Variants in GEMIN4 observed in about 807,000 individuals in gnomAD.
GEMIN4 encodes the protein gem-associated protein 4.
A neutral mutation model predicts 76.8 loss-of-function variants in GEMIN4; 59 were observed. The ratio of observed to expected loss-of-function variants is 0.77; its 90% CI spans 0.62 to 0.95. GEMIN4 has a LOEUF of 0.95. Ranked by LOEUF, GEMIN4 falls within the 40% of genes least tolerant of loss-of-function variation. The pLI, the probability that GEMIN4 is intolerant of heterozygous loss-of-function variation, is 0.00. For synonymous variants in GEMIN4, 562 were observed against 559.7 expected (o/e 1.00, Z -0.06); for missense variants, 1,311 against 1,318.9 (o/e 0.99, Z 0.09).
At position 745,310 on chromosome 17, in the gene GEMIN4, G is replaced by C. The variant is rs1359508313; in HGVS notation, c.2733C>G (p.Leu911=). Residue 911 remains leucine (L), a synonymous_variant, in exon 2 of 2, where the codon CTC becomes CTG. Coordinates refer to ENST00000319004, the MANE Select transcript of GEMIN4 (RefSeq NM_015721.3). This position sits in a 1 kb window ranked among gnomAD's most constrained non-coding sequence, Gnocchi z 4.6. ...GGAAAGTCCTCAGGAAGAGGACGGA[G>C]AGTTGCAACTCCTGGGCAAAGGGCT... ...NLKPFAQELQ[L]SVLFLRTFQF... is the part of the protein sequence containing the mutation. The C allele has an allele frequency of 6.2e-7, 1 of 1,612,630 alleles. No individual in the cohort carries two copies. Among genetic ancestry groups the C allele is most frequent in the East Asian group, 2.2e-5 (1 of 44,870 alleles).
At chr17:752,504 C>T (rs1904798427), upstream of GEMIN4, 2 of 434,094 alleles carry the variant, frequency 4.6e-6, no homozygotes, top group Non-Finnish European at 3.5e-6. Context: ...TAACCCCGGG[C>T]GTGCCCCGCA....
In GEMIN4 at chr17:747,063, C is replaced by G. The variant is rs200678582; in HGVS notation, c.980G>C (p.Trp327Ser). 1.4e-4 allele frequency: 232 copies of G among 1,613,622 alleles called. No individual in the cohort carries two copies. The highest frequency in any genetic ancestry group is 2.0e-4 in the African/African-American group (15 of 75,038). ...GAGCACGGCCTGCAACTCCTCCCCC[C>G]ACTCCCGCAGCAGGTGGTGCAGGAA... ...CEFLHHLLREWGEELQAVLRS... is the reference protein window; with the variant it reads ...CEFLHHLLRESGEELQAVLRS... The change falls in exon 2 of 2, where the codon TGG becomes TCG. Residue 327 changes from tryptophan to serine, a missense_variant. Trp to Ser is a radical substitution (Grantham distance 177, BLOSUM62 -3). Around this residue, in one of 2 missense-constraint regions of GEMIN4, gnomAD observed 1,208 missense variants for 1,166.9 expected, o/e 1.04. Coordinates refer to ENST00000319004, the MANE Select transcript of GEMIN4 (RefSeq NM_015721.3).
chr17:748,929 G>A, intron 1 of GEMIN4: 1 of 183,320 alleles, frequency 5.5e-6, no homozygotes, highest in Non-Finnish European at 1.1e-5. Flanking sequence ...ACAGGATAAT[G>A]GGCACAGAGC....
At chr17:752,037 G>T in intron 1 of GEMIN4, 96 bp downstream of exon 1, 1 of 877,206 alleles carries the variant, frequency 1.1e-6, no homozygotes, top group Non-Finnish European at 1.5e-6. Context: ...CCGGGCCCGC[G>T]CGAGCGTGCG....
rs2144211993 is a variant in GEMIN4, at chr17:752,219, C to T, written c.-77G>A. On this transcript the variant is annotated 5_prime_UTR_variant, in exon 1 of 2. Coordinates refer to ENST00000319004, the MANE Select transcript of GEMIN4 (RefSeq NM_015721.3). ...CTCGAACGCGGCGCGGGACGCACGG[C>T]ACGATGGGAGACGCAGGAGCCACGG... 8.1e-7 allele frequency: 1 copy of T among 1,230,036 alleles called. No individual in the cohort carries two copies. The highest frequency in any genetic ancestry group is 4.1e-5 in the South Asian group (1 of 24,348). The allele number at this position is 1,230,036 out of a possible 1,614,324, so 76.2% of individuals were successfully genotyped here. A position where few individuals can be genotyped will look rare whatever the true frequency, so the allele number is the denominator to read the frequency against.
rs1363002781 is a variant in GEMIN4 at position 747,631 on chromosome 17, G to A, written c.412C>T (p.His138Tyr). ...LLMALPTTICHAELERFLEHV... is the reference protein window; with the variant it reads ...LLMALPTTICYAELERFLEHV... ...TCCAGAAAGCGCTCTAGTTCTGCATGGCAGATGGTGGTGGGCAGGGCCATC... is the reference window on the plus strand; with the variant it reads ...TCCAGAAAGCGCTCTAGTTCTGCATAGCAGATGGTGGTGGGCAGGGCCATC... The change falls in exon 2 of 2, where the codon CAT (histidine) becomes TAT (tyrosine). Residue 138 changes from histidine to tyrosine, a missense_variant. This residue lies in a region of GEMIN4 where 1,208 missense variants were observed against 1,166.9 expected (regional missense o/e 1.04). Coordinates refer to ENST00000319004, the MANE Select transcript of GEMIN4 (RefSeq NM_015721.3). 6.2e-7 allele frequency: 1 copy of A among 1,614,006 alleles called. No individual in the cohort carries two copies. The highest frequency in any genetic ancestry group is 8.5e-7 in the Non-Finnish European group (1 of 1,179,892).
chr17:744,748 C>G lies in GEMIN4; in HGVS notation c.*118G>C. On this transcript the variant is annotated 3_prime_UTR_variant, in exon 2 of 2. Coordinates refer to ENST00000319004, the MANE Select transcript of GEMIN4 (RefSeq NM_015721.3). ...ACATAACTGTAAAGTCCAGGCTGCT[C>G]GGGTCTGACCCCTACAGACCTGCCA... is the stretch of plus-strand genomic sequence containing the variant. The G allele has an allele frequency of 2.8e-6, 3 of 1,065,132 alleles. No homozygotes were observed. Among genetic ancestry groups the G allele is most frequent in the Non-Finnish European group, 3.9e-6 (3 of 761,526 alleles). The allele number at this position is 1,065,132 out of a possible 1,614,324, so 66.0% of individuals were successfully genotyped here.
chr17:746,870 G>C lies in GEMIN4; in HGVS notation c.1173C>G (p.Ser391Arg). 2 of 1,613,432 alleles carry C rather than the reference G, an allele frequency of 1.2e-6. No individual in the cohort carries two copies. Among genetic ancestry groups the C allele is most frequent in the African/African-American group, 1.3e-5 (1 of 75,030 alleles). Residue 391 changes from serine (S) to arginine (R), a missense_variant, in exon 2 of 2, where the codon AGC becomes AGG. Around this residue, in one of 2 missense-constraint regions of GEMIN4, gnomAD observed 1,208 missense variants for 1,166.9 expected, o/e 1.04. Coordinates refer to ENST00000319004, the MANE Select transcript of GEMIN4 (RefSeq NM_015721.3). This position sits in a 1 kb window ranked among gnomAD's most constrained non-coding sequence, Gnocchi z 4.3. ...CCAAGGCCCTGTTCTTCAGCACCGT[G>C]CTCGTTTTCCTCAGGAAGTCCCTGA... is the stretch of plus-strand genomic sequence containing the variant. ...ECVRDFLRKT[S>R]TVLKNRALED...
chr17:745,196 G>A lies in GEMIN4; in HGVS notation c.2847C>T (p.Arg949=). ...VVKLLCGSLT[R]LLDSVRAIQA... Reference sequence around the variant, plus strand: ...GTATCGCCCTGACTGAGTCCAGGAGGCGGGTCAGACTGCCACAGAGGAGTT... The same window carrying A: ...GTATCGCCCTGACTGAGTCCAGGAGACGGGTCAGACTGCCACAGAGGAGTT... Residue 949 remains arginine, a synonymous_variant, in exon 2 of 2, where the codon CGC becomes CGT. Coordinates refer to ENST00000319004, the MANE Select transcript of GEMIN4 (RefSeq NM_015721.3). This position sits in a 1 kb window ranked among gnomAD's most constrained non-coding sequence, Gnocchi z 4.6. 3 of 1,607,584 alleles carry A rather than the reference G, an allele frequency of 1.9e-6. No individual in the cohort carries two copies. The highest frequency in any genetic ancestry group is 2.5e-6 in the Non-Finnish European group (3 of 1,177,446).
rs1904343826 is a variant in GEMIN4 at position 747,799 on chromosome 17, G to A, written c.244C>T (p.Pro82Ser). The change falls in exon 2 of 2, where the codon CCC (proline) becomes TCC (serine). Residue 82 changes from proline (P) to serine (S), a missense_variant. This residue lies in a region of GEMIN4 where 103 missense variants were observed against 152.0 expected (regional missense o/e 0.68). Coordinates refer to ENST00000319004, the MANE Select transcript of GEMIN4 (RefSeq NM_015721.3). Reference protein sequence around the residue: ...IIWAKVLQPHPVTPSDTETRW... With the variant: ...IIWAKVLQPHSVTPSDTETRW... ...GTCTCTGTGTCGGACGGGGTCACGG[G>A]GTGCGGCTGCAGAACCTTGGCCCAG... The A allele has an allele frequency of 8.1e-6, 13 of 1,613,518 alleles. No individual in the cohort carries two copies. The highest frequency in any genetic ancestry group is 1.1e-5 in the Non-Finnish European group (13 of 1,179,756).
In GEMIN4 at chr17:745,028, G is replaced by A. The variant is rs765046840; in HGVS notation, c.3015C>T (p.Ala1005=). ...PEVCEPLYVL[A]LETLTCYETL... is the part of the protein sequence containing the mutation. ...TCTCATAGCAGGTGAGGGTTTCCAAGGCTAAAACGTAGAGTGGCTCACAGA... is the reference window on the plus strand; with the variant it reads ...TCTCATAGCAGGTGAGGGTTTCCAAAGCTAAAACGTAGAGTGGCTCACAGA... The change falls in exon 2 of 2, where the codon GCC becomes GCT. Residue 1005 remains alanine, a synonymous_variant. Coordinates refer to ENST00000319004, the MANE Select transcript of GEMIN4 (RefSeq NM_015721.3). The surrounding 1 kb of genome is among the most constrained non-coding windows in gnomAD (Gnocchi z 4.6). 6.2e-6 allele frequency: 10 copies of A among 1,613,908 alleles called. No homozygotes were observed. The highest frequency in any genetic ancestry group is 3.3e-5 in the Admixed American group (2 of 60,018).
At position 746,521 on chromosome 17, in the gene GEMIN4, G is replaced by A. The variant is rs201980041; in HGVS notation, c.1522C>T (p.Arg508Ter). The A allele has an allele frequency of 1.7e-5, 28 of 1,613,874 alleles. No individual in the cohort carries two copies. Among genetic ancestry groups the A allele is most frequent in the East Asian group, 2.2e-5 (1 of 44,880 alleles). ...AGCAACTTTTCAGAGAGGCCCTTTC[G>A]CCCCCAGGAACGCAGGATACCTGCA... ...VLAGILRSWG[R>*]KGLSEKLLAY... is the part of the protein sequence containing the mutation. The change falls in exon 2 of 2, where the codon CGA becomes TGA. Residue 508 changes from arginine (R) to a stop codon, truncating the protein, a stop_gained. Coordinates refer to ENST00000319004, the MANE Select transcript of GEMIN4 (RefSeq NM_015721.3). LOFTEE classifies it high-confidence loss of function. The surrounding 1 kb of genome is among the most constrained non-coding windows in gnomAD (Gnocchi z 4.3).
In GEMIN4 at chr17:747,466, A is replaced by T; in HGVS notation, c.577T>A (p.Leu193Ile). 1 of 1,613,848 alleles carries T rather than the reference A, an allele frequency of 6.2e-7. No homozygotes were observed. The highest frequency in any genetic ancestry group is 8.5e-7 in the Non-Finnish European group (1 of 1,179,834). Residue 193 changes from leucine to isoleucine, a missense_variant, in exon 2 of 2, where the codon TTA becomes ATA. Leu to Ile is a conservative substitution (Grantham distance 5, BLOSUM62 2). Coordinates refer to ENST00000319004, the MANE Select transcript of GEMIN4 (RefSeq NM_015721.3). ...TTTGGAGGATGGGGGAACTCATCTA[A>T]GGCAGGCAGGTACTTATGGGCCATT... is the stretch of plus-strand genomic sequence containing the variant. ...SAMAHKYLPALDEFPHPPKRL... is the reference protein window; with the variant it reads ...SAMAHKYLPAIDEFPHPPKRL...
At chr17:753,841 C>T (rs1287239209), upstream of GEMIN4, 1 of 152,344 alleles carries the variant, frequency 6.6e-6, no homozygotes, top group African/African-American at 2.4e-5. Flanking sequence ...GAGGCCCCAG[C>T]CCCTTATCTC....
chr17:753,612 A>T (rs1904866982), upstream of GEMIN4: 1 of 153,124 alleles, frequency 6.5e-6, no homozygotes, highest in Non-Finnish European at 1.5e-5. Context: ...ACTGCATGAG[A>T]GTGACTGCTG....
rs1390530203 is a variant in GEMIN4, at chr17:748,145, G to C, written c.11-113C>G. 5 of 806,482 alleles carry C rather than the reference G, an allele frequency of 6.2e-6. No individual in the cohort carries two copies. The Admixed American group carries it at 1.4e-4, about 23-fold the overall frequency. The allele number at this position is 806,482 out of a possible 1,614,324, so 50.0% of individuals were successfully genotyped here. A position where few individuals can be genotyped will look rare whatever the true frequency, so the allele number is the denominator to read the frequency against. ...ACAAGGGTTTTAAAGGACATCAGCG[G>C]ACGGGGAGAAGGGATGACTACAAGA... On this transcript the variant is annotated intron_variant, in intron 1 of 1. Transcript: ENST00000319004.
chr17:754,007 T>C (rs1406770516), upstream of GEMIN4: 1 of 152,222 alleles, frequency 6.6e-6, no homozygotes, highest in African/African-American at 2.4e-5. Context: ...GATAATGTGA[T>C]GAAACAATTG....
In GEMIN4 at chr17:745,544, C is replaced by A. The variant is rs1225261146; in HGVS notation, c.2499G>T (p.Leu833=). The A allele has an allele frequency of 2.5e-6, 4 of 1,612,772 alleles. No individual in the cohort carries two copies. The South Asian group carries it at 3.3e-5, about 13-fold the overall frequency. ...CVSSGISERM[L]SLLVVDVGNP... ...TGCCCACGTCCACCACCAAGAGAGA[C>A]AGCATCCTCTCCGAGATGCCGCTGG... Residue 833 remains leucine, a synonymous_variant, in exon 2 of 2, where the codon CTG becomes CTT. Coordinates refer to ENST00000319004, the MANE Select transcript of GEMIN4 (RefSeq NM_015721.3). This position sits in a 1 kb window ranked among gnomAD's most constrained non-coding sequence, Gnocchi z 4.6.
At position 747,256 on chromosome 17, in the gene GEMIN4, T is replaced by C. The variant is rs748632104; in HGVS notation, c.787A>G (p.Thr263Ala). 1 of 1,613,774 alleles carries C rather than the reference T, an allele frequency of 6.2e-7. No individual in the cohort carries two copies. The highest frequency in any genetic ancestry group is 8.5e-7 in the Non-Finnish European group (1 of 1,179,870). ...TEDDPQEVSA[T>A]VYLDKLATVI... Reference sequence around the variant, plus strand: ...GTGGCCAGTTTGTCCAGATACACGGTTGCAGACACCTCCTGGGGGTCGTCC... The same window carrying C: ...GTGGCCAGTTTGTCCAGATACACGGCTGCAGACACCTCCTGGGGGTCGTCC... The change falls in exon 2 of 2, where the codon ACC (threonine) becomes GCC (alanine). Residue 263 changes from threonine to alanine, a missense_variant. By Grantham distance (58) the Thr-to-Ala change is moderately conservative. This residue lies in a region of GEMIN4 where 1,208 missense variants were observed against 1,166.9 expected (regional missense o/e 1.04). Coordinates refer to ENST00000319004, the MANE Select transcript of GEMIN4 (RefSeq NM_015721.3).
Sources: gnomAD v4.1 joint callset for allele counts on GRCh38, gnomAD v4.1.1 for gene constraint, gnomAD v4.1.1 regional missense constraint, Gnocchi (gnomAD v3.1) non-coding constraint, MANE v1.5 for transcripts, NCBI Gene and HGNC (gene_info 2026-07-23, HGNC 2026-07-21) for gene names.